Variants in NR3C2 observed in about 807,000 individuals in gnomAD.
NR3C2 encodes mineralocorticoid receptor.
A neutral mutation model predicts 86.4 loss-of-function variants in NR3C2; 15 were observed. The ratio of observed to expected loss-of-function variants is 0.17; its 90% CI spans 0.12 to 0.27. The LOEUF (loss-of-function observed/expected upper bound fraction) is 0.27, where lower values mean the gene tolerates loss of function less well. Ranked by LOEUF, NR3C2 falls within the 10% of genes least tolerant of loss-of-function variation. The pLI, the probability that NR3C2 is intolerant of heterozygous loss-of-function variation, is 1.00. For synonymous variants in NR3C2, 458 were observed against 450.5 expected (o/e 1.02, Z -0.21); for missense variants, 960 against 1,195.6 (o/e 0.80, Z 2.91).
rs140387748 is a variant in NR3C2 at position 148,278,127 on chromosome 4, G to T, written c.1758-18010C>A. ...TTGTTTGTTTGTTTGTTTGAGACAG[G>T]TTCTCGCTCTGTTACCCAGGCTGGA... On this transcript the variant is annotated intron_variant, in intron 2 of 8. Transcript: ENST00000358102. Among the ~76,000 whole-genome samples the T allele has an allele frequency of 3.0e-3, 459 of 151,838 alleles. 6 individuals are homozygous for T. Among genetic ancestry groups the T allele is most frequent in the African/African-American group, 0.01 (416 of 41,358 alleles).
intron 6 of NR3C2, among the ~76,000 whole-genome samples, chr4:148,151,038 T>A (rs1734078672): frequency 6.6e-6 from 1 of 151,778 alleles, no homozygotes; most frequent in Non-Finnish European, 1.5e-5. Flanking sequence ...GGGTTTAGAG[T>A]TTGTTTGGGA....
intron 2 of NR3C2, among the ~76,000 whole-genome samples, chr4:148,294,137 C>T (rs1241547173): frequency 1.3e-5 from 2 of 152,100 alleles, no homozygotes; most frequent in East Asian, 1.9e-4. Context: ...GAGCTAGGTT[C>T]GAATTGCATT....
chr4:148,285,216 C>G (rs1021899625), intron 2 of NR3C2, among the ~76,000 whole-genome samples: 1 of 152,248 alleles, frequency 6.6e-6, no homozygotes, highest in African/African-American at 2.4e-5. Flanking sequence ...CTTGTTGCAG[C>G]CTTTATCATG....
At chr4:148,250,019 T>C (rs1739499421) in intron 3 of NR3C2, among the ~76,000 whole-genome samples, 2 of 152,340 alleles carry the variant, frequency 1.3e-5, no homozygotes, top group South Asian at 2.1e-4. Context: ...TGAAGTCTTC[T>C]GGCTAACATT....
At chr4:148,414,428 C>T (rs542941798) in intron 2 of NR3C2, among the ~76,000 whole-genome samples, 33 of 152,192 alleles carry the variant, frequency 2.2e-4, no homozygotes, top group African/African-American at 7.5e-4. Flanking sequence ...ATTATGAGTA[C>T]TATAATTTTG....
At chr4:148,266,623 T>A (rs1740409940) in intron 2 of NR3C2, among the ~76,000 whole-genome samples, 1 of 152,194 alleles carries the variant, frequency 6.6e-6, no homozygotes, top group Non-Finnish European at 1.5e-5. Context: ...GGCAGACTAT[T>A]GTCCTGCATG....
At chr4:148,388,488 T>C (rs1579238794) in intron 2 of NR3C2, among the ~76,000 whole-genome samples, 2 of 152,304 alleles carry the variant, frequency 1.3e-5, no homozygotes, top group East Asian at 3.9e-4. Context: ...TCTGCCTTAG[T>C]CACTCTCCTA....
chr4:148,305,318 T>C (rs927113170), intron 2 of NR3C2, among the ~76,000 whole-genome samples: 1 of 152,066 alleles, frequency 6.6e-6, no homozygotes, highest in Non-Finnish European at 1.5e-5. Flanking sequence ...TAAAACACAG[T>C]CTTCTTTTAA....
At chr4:148,115,905 A>C (rs1356474018) in intron 7 of NR3C2, among the ~76,000 whole-genome samples, 1 of 152,204 alleles carries the variant, frequency 6.6e-6, no homozygotes, top group Non-Finnish European at 1.5e-5. Context: ...TTCTCCTGAA[A>C]ACTTTATTTT....
rs957586335 is a variant in NR3C2, at chr4:148,161,952, G to T, written c.2015-7051C>A. 5.3e-5 allele frequency among the ~76,000 whole-genome samples: 8 copies of T among 152,276 alleles called. No individual in the cohort carries two copies. The East Asian group carries it at 1.5e-3, about 29-fold the overall frequency. On this transcript the variant is annotated intron_variant, in intron 4 of 8. Transcript: ENST00000358102. ...GAGAAGTTGTTTTCTCTCTCCATGGGAGCGCACACTATCCTGTCCCCTCTG... is the reference window on the plus strand; with the variant it reads ...GAGAAGTTGTTTTCTCTCTCCATGGTAGCGCACACTATCCTGTCCCCTCTG...
intron 2 of NR3C2, among the ~76,000 whole-genome samples, chr4:148,260,723 A>G (rs1740055663): frequency 6.6e-6 from 1 of 152,214 alleles, no homozygotes; most frequent in African/African-American, 2.4e-5. Context: ...GACACAGCCA[A>G]TAATAAAACA....
intron 2 of NR3C2, among the ~76,000 whole-genome samples, chr4:148,372,169 G>A (rs1436270370): frequency 6.6e-6 from 1 of 151,814 alleles, no homozygotes; most frequent in Non-Finnish European, 1.5e-5. Flanking sequence ...TCTATTCCTT[G>A]GTCAAACATA....
At chr4:148,390,059 G>A (rs187086030) in intron 2 of NR3C2, among the ~76,000 whole-genome samples, 516 of 151,930 alleles carry the variant, frequency 3.4e-3, no homozygotes, top group Non-Finnish European at 4.5e-3. Flanking sequence ...GGACACACCA[G>A]GGGAGAGGTA....
intron 2 of NR3C2, among the ~76,000 whole-genome samples, chr4:148,283,953 C>T (rs948079108): frequency 6.6e-6 from 1 of 152,174 alleles, no homozygotes; most frequent in Non-Finnish European, 1.5e-5. Context: ...TCGTAATGAC[C>T]ACTTTCAAAG....
chr4:148,084,229 G>A (rs978315530), intron 8 of NR3C2, among the ~76,000 whole-genome samples: 1 of 151,390 alleles, frequency 6.6e-6, no homozygotes, highest in Non-Finnish European at 1.5e-5. Flanking sequence ...GATTCGCCAA[G>A]GTTGAAATGA....
At chr4:148,436,915 C>CTTTT in intron 1 of NR3C2, 53 bp from the exon 2 acceptor site, 1 of 1,376,230 alleles carries the variant, frequency 7.3e-7, no homozygotes, top group South Asian at 1.2e-5. Flanking sequence ...CAATATTACT[C>CTTTT]TAAAAGACAT....
intron 2 of NR3C2, among the ~76,000 whole-genome samples, chr4:148,335,461 C>T (rs1384485249): frequency 6.6e-6 from 1 of 152,162 alleles, no homozygotes; most frequent in African/African-American, 2.4e-5. Context: ...GGTAAAACTA[C>T]AGGAGTGATC....
At chr4:148,405,925 C>T (rs991519263) in intron 2 of NR3C2, among the ~76,000 whole-genome samples, 4 of 152,190 alleles carry the variant, frequency 2.6e-5, no homozygotes, top group Non-Finnish European at 5.9e-5. Context: ...AGGTGGATCA[C>T]TTGAGGTCAG....
intron 3 of NR3C2, among the ~76,000 whole-genome samples, chr4:148,207,670 A>T (rs979913497): frequency 3.3e-5 from 5 of 152,160 alleles, no homozygotes; most frequent in Admixed American, 2.6e-4. Flanking sequence ...TTTTTCATCC[A>T]TAAAGTCAGT....
Sources: allele counts gnomAD v4.1 joint callset (sites outside exome capture counted in the v4.1 genomes callset), GRCh38; gene constraint gnomAD v4.1.1; transcripts MANE v1.5; gene names NCBI Gene and HGNC (gene_info 2026-07-23, HGNC 2026-07-21).